SGSM1: variants seen among roughly 807,000 people sequenced by gnomAD.
The protein encoded by SGSM1 is RUN and TBC1 domain containing 2.
SGSM1 carries 73 observed loss-of-function variants against 133.8 expected under a neutral mutation model. That is an observed-to-expected ratio of 0.55 (90% CI 0.45 to 0.66). SGSM1 has a LOEUF of 0.66. Ranked by LOEUF, SGSM1 falls within the 30% of genes least tolerant of loss-of-function variation. The probability of loss-of-function intolerance (pLI) is 0.00; values close to 1 mark genes in which losing one functional copy is unlikely to be tolerated. For missense variants in SGSM1, 1,213 were observed against 1,448.1 expected (o/e 0.84, Z 2.64); for synonymous variants, 563 against 573.0 (o/e 0.98, Z 0.25).
At chr22:24,809,026 A>G (rs1927579369) in intron 2 of SGSM1, among the ~76,000 whole-genome samples, 1 of 152,212 alleles carries the variant, frequency 6.6e-6, no homozygotes, top group Non-Finnish European at 1.5e-5. Context: ...CCCAGAGACA[A>G]TAAGTGACAT....
At position 24,901,918 on chromosome 22, in the gene SGSM1, C is replaced by T. The variant is rs370742946; in HGVS notation, c.2696C>T (p.Thr899Met). 9 of 1,600,572 alleles carry T rather than the reference C, an allele frequency of 5.6e-6. No homozygotes were observed. The highest frequency in any genetic ancestry group is 2.3e-5 in the South Asian group (2 of 88,424). ...TGCGACCGCAACTACTGGTACTTCA[C>T]GCCCGCCAACTTGGAGAAGCTGCGT... Reference protein sequence around the residue: ...QRCDRNYWYFTPANLEKLRNI... With the variant: ...QRCDRNYWYFMPANLEKLRNI... The change falls in exon 20 of 25, where the codon ACG (threonine) becomes ATG (methionine). Residue 899 changes from threonine to methionine, a missense_variant. Thr to Met is a moderately conservative substitution (Grantham distance 81). Coordinates refer to ENST00000400358, the MANE Select transcript of SGSM1 (RefSeq NM_001098497.3).
chr22:24,920,353 T>C (rs1405589491), intron 24 of SGSM1, among the ~76,000 whole-genome samples: 1 of 152,142 alleles, frequency 6.6e-6, no homozygotes, highest in East Asian at 1.9e-4. Flanking sequence ...TTGACATGCA[T>C]AGGAAAAGCA....
chr22:24,867,299 A>G, intron 10 of SGSM1, 139 bp downstream of exon 10: 2 of 733,946 alleles, frequency 2.7e-6, no homozygotes, highest in Non-Finnish European at 4.7e-6. Flanking sequence ...TAGGCAAGCG[A>G]CCTCACCGCT....
At chr22:24,879,882 G>A (rs1932234473) in intron 14 of SGSM1, among the ~76,000 whole-genome samples, 1 of 152,148 alleles carries the variant, frequency 6.6e-6, no homozygotes, top group Admixed American at 6.5e-5. Context: ...GCATGCTGTA[G>A]GTGCTCAATA....
chr22:24,924,099 C>T, intron 24 of SGSM1, 87 bp from the exon 25 acceptor site: 1 of 1,200,818 alleles, frequency 8.3e-7, no homozygotes, highest in Non-Finnish European at 1.2e-6. Flanking sequence ...ATGGAGATGC[C>T]CCCAGAGAAG....
intron 5 of SGSM1, 68 bp downstream of exon 5, chr22:24,850,500 C>A: frequency 1.3e-6 from 2 of 1,573,260 alleles, no homozygotes; most frequent in Admixed American, 1.9e-5. Context: ...GGAAATTGCA[C>A]CCCCTGGCAC....
At chr22:24,862,886 G>A (rs375721298) in intron 9 of SGSM1, among the ~76,000 whole-genome samples, 1 of 150,596 alleles carries the variant, frequency 6.6e-6, no homozygotes, top group Non-Finnish European at 1.5e-5. Context: ...GGTCTCCTTA[G>A]AACTCAAGGC....
intron 5 of SGSM1, among the ~76,000 whole-genome samples, chr22:24,851,449 G>GGAGAGA (rs56956761): frequency 0.036 from 4,079 of 112,606 alleles, 74 homozygotes; most frequent in Non-Finnish European, 0.046. Context: ...GGGGGTGGGG[G>GGAGAGA]GAGAGAGAGA....
At chr22:24,864,013 T>C (rs2147867879) in intron 9 of SGSM1, among the ~76,000 whole-genome samples, 1 of 152,272 alleles carries the variant, frequency 6.6e-6, no homozygotes, top group Middle Eastern at 3.4e-3. Context: ...AGTGTTGGGA[T>C]TACAGGCATG....
chr22:24,857,067 TA>T (rs1380718816), intron 8 of SGSM1, among the ~76,000 whole-genome samples: 1 of 151,814 alleles, frequency 6.6e-6, no homozygotes, highest in African/African-American at 2.4e-5. Context: ...TGCACCCAGC[TA>T]AGATACACCA....
intron 23 of SGSM1, among the ~76,000 whole-genome samples, chr22:24,918,333 A>G (rs769492591): frequency 1.3e-5 from 2 of 151,936 alleles, no homozygotes; most frequent in Non-Finnish European, 2.9e-5. Flanking sequence ...TGTCTCTACT[A>G]AAAATACAAA....
chr22:24,911,853 G>A (rs1453209062), intron 21 of SGSM1, among the ~76,000 whole-genome samples: 2 of 152,170 alleles, frequency 1.3e-5, no homozygotes, highest in Non-Finnish European at 1.5e-5. Flanking sequence ...AGGAGATCGA[G>A]ACCATTCTGG....
At chr22:24,834,081 C>T (rs1054793321) in intron 2 of SGSM1, among the ~76,000 whole-genome samples, 3 of 152,272 alleles carry the variant, frequency 2.0e-5, no homozygotes, top group Non-Finnish European at 4.4e-5. Context: ...CAGGTGGCCG[C>T]GCTCCTGCAT....
intron 2 of SGSM1, among the ~76,000 whole-genome samples, chr22:24,839,394 T>C (rs1416605356): frequency 6.6e-6 from 1 of 152,146 alleles, no homozygotes; most frequent in Admixed American, 6.5e-5. Context: ...GCTGTTGAAT[T>C]CTGTTTTTAG....
Position 24,924,378 on chromosome 22 carries a change from T to C in SGSM1, c.*104T>C. 1 of 957,878 alleles carries C rather than the reference T, an allele frequency of 1.0e-6. No homozygotes were observed. Among genetic ancestry groups the C allele is most frequent in the Non-Finnish European group, 1.6e-6 (1 of 608,770 alleles). 59.3% of individuals were successfully genotyped at this position (957,878 alleles called of 1,614,324 possible). The stretch of plus-strand genomic sequence containing the variant: ...GCACCCCGGGAGCGGGGTCCTGGTG[T>C]CTGTTCACAAGCGTGGAGTTCAGTG... On this transcript the variant is annotated 3_prime_UTR_variant, in exon 25 of 25. Transcript: ENST00000400358.
intron 12 of SGSM1, among the ~76,000 whole-genome samples, chr22:24,873,721 C>A (rs1050860099): frequency 3.3e-5 from 5 of 152,106 alleles, no homozygotes; most frequent in Non-Finnish European, 5.9e-5. Context: ...GCCATGCTGG[C>A]ACGTGCGTGT....
At chr22:24,808,262 A>G (rs995610500) in intron 2 of SGSM1, among the ~76,000 whole-genome samples, 7 of 151,718 alleles carry the variant, frequency 4.6e-5, no homozygotes, top group Non-Finnish European at 1.0e-4. Flanking sequence ...TACAGGAGCC[A>G]CCATGTCCGG....
At chr22:24,882,379 AT>A (rs1420855035) in intron 14 of SGSM1, among the ~76,000 whole-genome samples, 2 of 151,916 alleles carry the variant, frequency 1.3e-5, no homozygotes, top group African/African-American at 4.8e-5. Context: ...CCTGTTTTTT[AT>A]TTATTTTTTG....
rs114746250 is a variant in SGSM1, at chr22:24,852,247, G to A, written c.455+1815G>A. Among the ~76,000 whole-genome samples, 659 of 152,064 alleles carry A rather than the reference G, an allele frequency of 4.3e-3. 6 individuals carry two copies. The highest frequency in any genetic ancestry group is 0.015 in the African/African-American group (633 of 41,486). On this transcript the variant is annotated intron_variant, in intron 5 of 24. Coordinates refer to ENST00000400358, the MANE Select transcript of SGSM1 (RefSeq NM_001098497.3). Reference sequence around the variant, plus strand: ...TATTAACTAACTGCAAAACTTTTTTGGATTTCATCAATTTTTATATTTACT... The same window carrying A: ...TATTAACTAACTGCAAAACTTTTTTAGATTTCATCAATTTTTATATTTACT...
Sources: gnomAD v4.1 joint callset for allele counts (sites outside exome capture counted in the v4.1 genomes callset) on GRCh38, gnomAD v4.1.1 for gene constraint, MANE v1.5 for transcripts, NCBI Gene and HGNC (gene_info 2026-07-23, HGNC 2026-07-21) for gene names.